TTN: variants seen among roughly 807,000 people sequenced by gnomAD.
TTN encodes the protein titin.
A neutral mutation model predicts 3,223.0 loss-of-function variants in TTN; 1,525 were observed. The ratio of observed to expected loss-of-function variants is 0.47; its 90% CI spans 0.45 to 0.49. The LOEUF (loss-of-function observed/expected upper bound fraction) is 0.49, where lower values mean the gene tolerates loss of function less well. TTN is among the 20% of genes least tolerant of loss of function. The pLI is 0.00. For missense variants in TTN, 40,786 were observed against 43,424.0 expected (o/e 0.94, Z 5.40); for synonymous variants, 14,094 against 15,161.0 (o/e 0.93, Z 5.17).
rs727503541 is a variant in TTN, at chr2:178,544,261, C to A, written c.95968G>T (p.Val31990Leu). Residue 31990 changes from valine (V) to leucine (L), a missense_variant, in exon 345 of 363, where the codon GTG (valine) becomes TTG (leucine). By Grantham distance (32) the Val-to-Leu change is conservative (BLOSUM62 1). Transcript: ENST00000589042. ...KYSFRVAAVN[V>L]KGMSEYSESI... ...TCGCTGTATTCGCTCATACCCTTCA[C>A]GTTCACGGCAGCAACTCTGAAGGAA... is the stretch of plus-strand genomic sequence containing the variant. The A allele has an allele frequency of 2.5e-6, 4 of 1,613,690 alleles. No individual in the cohort carries two copies.
rs201089861 is a variant in TTN at position 178,802,229 on chromosome 2, G to A, written c.204C>T (p.Pro68=). 4.7e-5 allele frequency: 76 copies of A among 1,614,134 alleles called. No individual in the cohort carries two copies. In the Middle Eastern group the frequency reaches 2.0e-3, roughly 42 times the overall value. Residue 68 remains proline (P), a synonymous_variant, in exon 3 of 363, where the codon CCC becomes CCT. Coordinates refer to ENST00000589042, the MANE Select transcript of TTN (RefSeq NM_001267550.2). ...FSDGRAKLTI[P]AVTKANSGRY... is the part of the protein sequence containing the mutation. ...GTCCACTGTTGGCTTTAGTCACGGC[G>A]GGGATCGTCAGTTTAGCGCGGCCAT...
chr2:178,667,878 C>G lies in TTN; in HGVS notation c.35546-157G>C, dbSNP rs148088430. On this transcript the variant is annotated intron_variant, in intron 159 of 362. Coordinates refer to ENST00000589042, the MANE Select transcript of TTN (RefSeq NM_001267550.2). ...CTAGAATGCATTGGCTGGGGATAGC[C>G]TCACTCCCAGTTTCATGATGTAAGA... Among the ~76,000 whole-genome samples the G allele has an allele frequency of 1.8e-3, 269 of 152,144 alleles. 5 individuals are homozygous for G. In the South Asian group the frequency reaches 0.024, roughly 14 times the overall value.
rs1478494265 is a variant in TTN at position 178,598,002 on chromosome 2, T to G, written c.57168A>C (p.Gly19056=). 1 of 1,613,346 alleles carries G rather than the reference T, an allele frequency of 6.2e-7. No individual in the cohort carries two copies. Among genetic ancestry groups the G allele is most frequent in the African/African-American group, 1.3e-5 (1 of 74,912 alleles). The change falls in exon 293 of 363, where the codon GGA becomes GGC. Residue 19056 remains glycine (G), a synonymous_variant. Coordinates refer to ENST00000589042, the MANE Select transcript of TTN (RefSeq NM_001267550.2). ...CTCTAACTCTAAATTTGTAGAATGCTCCTTCCTTTAATCCTGTCACAACAA... is the reference window on the plus strand; with the variant it reads ...CTCTAACTCTAAATTTGTAGAATGCGCCTTCCTTTAATCCTGTCACAACAA... ...TKLVVTGLKE[G]AFYKFRVRAV... is the part of the protein sequence containing the mutation.
rs777892636 is a variant in TTN, at chr2:178,599,195, G to T, written c.56598C>A (p.Gly18866=). 6 of 1,513,436 alleles carry T rather than the reference G, an allele frequency of 4.0e-6. No individual in the cohort carries two copies. In the East Asian group the frequency reaches 1.4e-4, roughly 35 times the overall value. The allele number at this position is 1,513,436 out of a possible 1,614,324, so 93.8% of individuals were successfully genotyped here. ...GTTCACTGTCAAGAGGTTCTCCAAT[G>T]CCATATTTATTCTGGGCCATGATTC... The part of the protein sequence containing the change: ...VFRIMAQNKY[G]IGEPLDSEPE... Residue 18866 remains glycine (G), a synonymous_variant, in exon 290 of 363, where the codon GGC becomes GGA. Transcript: ENST00000589042.
intron 10 of TTN, among the ~76,000 whole-genome samples, 190 bp from the exon 11 acceptor site, chr2:178,791,035 C>T (rs1014635159): frequency 6.6e-6 from 1 of 152,162 alleles, no homozygotes; most frequent in Non-Finnish European, 1.5e-5. Flanking sequence ...TTCTTTTCTG[C>T]CCACATGCGC....
At chr2:178,696,394 T>G in intron 113 of TTN, 125 bp from the exon 114 acceptor site, 3 of 898,732 alleles carry the variant, frequency 3.3e-6, no homozygotes, top group Middle Eastern at 7.1e-4. Context: ...TTTGTTTTTT[T>G]TTTTTGTATT....
In TTN at chr2:178,580,107, G is replaced by A. The variant is rs1388705607; in HGVS notation, c.67180C>T (p.Arg22394Cys). The change falls in exon 318 of 363, where the codon CGT becomes TGT. Residue 22394 changes from arginine (R) to cysteine (C), a missense_variant. Physicochemically the swap from Arg to Cys is radical, Grantham distance 180. Coordinates refer to ENST00000589042, the MANE Select transcript of TTN (RefSeq NM_001267550.2). The part of the protein sequence containing the change: ...SPIINYVVQK[R>C]DAERKSWSTV... ...GACCAGGATTTCCTCTCTGCATCACGTTTTTGTACCACATAGTTTATGATG... is the reference window on the plus strand; with the variant it reads ...GACCAGGATTTCCTCTCTGCATCACATTTTTGTACCACATAGTTTATGATG... 1.2e-6 allele frequency: 2 copies of A among 1,613,214 alleles called. No individual in the cohort carries two copies. Among genetic ancestry groups the A allele is most frequent in the South Asian group, 1.1e-5 (1 of 91,078 alleles).
rs1558953226 is a variant in TTN, at chr2:178,527,101, T to G, written c.107887A>C (p.Lys35963Gln). Residue 35963 changes from lysine to glutamine, a missense_variant, in exon 363 of 363, where the codon AAA (lysine) becomes CAA (glutamine). Physicochemically the swap from Lys to Gln is moderately conservative, Grantham distance 53 (BLOSUM62 1). Coordinates refer to ENST00000589042, the MANE Select transcript of TTN (RefSeq NM_001267550.2). ...AGGGTATAAAGTCCACCATCTTGTT[T>G]CTGTACGTCCATGATGATCAGGGTT... is the stretch of plus-strand genomic sequence containing the variant. The part of the protein sequence containing the change: ...LTTLIIMDVQ[K>Q]QDGGLYTLSL... 1 of 1,613,994 alleles carries G rather than the reference T, an allele frequency of 6.2e-7. No individual in the cohort carries two copies. Among genetic ancestry groups the G allele is most frequent in the East Asian group, 2.2e-5 (1 of 44,884 alleles).
At chr2:178,529,334 A>C in intron 359 of TTN, 115 bp from the exon 360 acceptor site, 2 of 735,912 alleles carry the variant, frequency 2.7e-6, no homozygotes, top group Non-Finnish European at 4.1e-6. Context: ...TTCTTCATGC[A>C]ATGTAGGTAA....
chr2:178,590,985 C>T lies in TTN; in HGVS notation c.60740G>A (p.Arg20247Lys). ...ACCAACACCTATCTTATTCTCTGCT[C>T]TAACTCGGAAAACATATTCACAGCC... ...QKGCEYVFRV[R>K]AENKIGVGPP... The change falls in exon 304 of 363, where the codon AGA becomes AAA. Residue 20247 changes from arginine to lysine, a missense_variant. Coordinates refer to ENST00000589042, the MANE Select transcript of TTN (RefSeq NM_001267550.2). The T allele has an allele frequency of 6.2e-7, 1 of 1,613,496 alleles. No homozygotes were observed.
In TTN at chr2:178,554,234, G is replaced by A. The variant is rs547463003; in HGVS notation, c.88895-18C>T. On this transcript the variant is annotated intron_variant, in intron 332 of 362. Coordinates refer to ENST00000589042, the MANE Select transcript of TTN (RefSeq NM_001267550.2). ...AGGTGTAACTATTTAGAAAGGAAGG[G>A]AAAACAAGGTACAAGAATCCACATT... 9.5e-4 allele frequency: 1,477 copies of A among 1,559,272 alleles called. 27 individuals carry two copies. In the South Asian group the frequency reaches 0.016, roughly 17 times the overall value.
intron 6 of TTN, among the ~76,000 whole-genome samples, chr2:178,797,612 C>T (rs920268027): frequency 1.3e-5 from 2 of 152,036 alleles, no homozygotes; most frequent in East Asian, 1.9e-4. Context: ...CATAAGCTTA[C>T]GTAATTTTGT....
chr2:178,796,684 T>C (rs2093787208), intron 6 of TTN, among the ~76,000 whole-genome samples: 1 of 152,204 alleles, frequency 6.6e-6, no homozygotes, highest in African/African-American at 2.4e-5. Context: ...AGTTTCACCC[T>C]GTGCCTTGTT....
Position 178,755,538 on chromosome 2 carries a change from C to T in TTN, c.11254+684G>A, listed in dbSNP as rs187463783. Among the ~76,000 whole-genome samples the T allele has an allele frequency of 3.7e-4, 56 of 152,234 alleles. No homozygotes were observed. In the East Asian group the frequency reaches 9.1e-3, roughly 25 times the overall value. On this transcript the variant is annotated intron_variant, in intron 46 of 362. Transcript: ENST00000589042. The stretch of plus-strand genomic sequence containing the variant: ...GCAACCTCTGCCTCCTGGGTTCAAG[C>T]GATTCTCCTGGCCTCAGCCTCCTGA...
At position 178,568,375 on chromosome 2, in the gene TTN, C is replaced by T; in HGVS notation, c.77757G>A (p.Gly25919=). 6.2e-7 allele frequency: 1 copy of T among 1,613,146 alleles called. No homozygotes were observed. Among genetic ancestry groups the T allele is most frequent in the Non-Finnish European group, 8.5e-7 (1 of 1,179,538 alleles). Residue 25919 remains glycine (G), a synonymous_variant, in exon 326 of 363, where the codon GGG becomes GGA. Transcript: ENST00000589042. Reference sequence around the variant, plus strand: ...CAATGTAGTTGGTGATTTGGCAGCCCCCTGTATATAATGGAGGGTTCCAAG... The same window carrying T: ...CAATGTAGTTGGTGATTTGGCAGCCTCCTGTATATAATGGAGGGTTCCAAG... The part of the protein sequence containing the change: ...TLSWNPPLYT[G]GCQITNYIVQ...
Position 178,728,662 on chromosome 2 carries a change from C to T in TTN, c.19264G>A (p.Gly6422Arg), listed in dbSNP as rs774524508. ...TATCTACTGGGAACTATTTGTTTCC[C>T]GTCTTTAAGCCATTTCACTTTGAGT... ...PELKVKWLKD[G>R]KQIVPSRYFS... Residue 6422 changes from glycine to arginine, a missense_variant, in exon 66 of 363, where the codon GGG becomes AGG. Coordinates refer to ENST00000589042, the MANE Select transcript of TTN (RefSeq NM_001267550.2). The T allele has an allele frequency of 2.4e-5, 38 of 1,613,162 alleles. No individual in the cohort carries two copies. The highest frequency in any genetic ancestry group is 2.7e-5 in the African/African-American group (2 of 74,874).
At chr2:178,783,356 T>C (rs1324770844) in intron 17 of TTN, among the ~76,000 whole-genome samples, 2 of 152,230 alleles carry the variant, frequency 1.3e-5, no homozygotes, top group Non-Finnish European at 2.9e-5. Flanking sequence ...TGTTGTGATG[T>C]TTATCACCTT....
At chr2:178,734,257 T>A (rs2081049022) in intron 52 of TTN, 71 bp downstream of exon 52, 1 of 1,471,578 alleles carries the variant, frequency 6.8e-7, no homozygotes, top group African/African-American at 1.4e-5. Context: ...AAAGTACCAG[T>A]TTTTCTTCCA....
chr2:178,568,671 T>G lies in TTN; in HGVS notation c.77461A>C (p.Ile25821Leu). 6.2e-7 allele frequency: 1 copy of G among 1,613,366 alleles called. No individual in the cohort carries two copies. The highest frequency in any genetic ancestry group is 1.3e-5 in the African/African-American group (1 of 74,992). Reference sequence around the variant, plus strand: ...ATGGTTGGCTTAGGACGTCCAGAAATTGGCACTTCTATTTTCAAATCTTGG... The same window carrying G: ...ATGGTTGGCTTAGGACGTCCAGAAAGTGGCACTTCTATTTTCAAATCTTGG... Reference protein sequence around the residue: ...VGQDLKIEVPISGRPKPTITW... With the variant: ...VGQDLKIEVPLSGRPKPTITW... Residue 25821 changes from isoleucine to leucine, a missense_variant, in exon 326 of 363, where the codon ATT (isoleucine) becomes CTT (leucine). Physicochemically the swap from Ile to Leu is conservative, Grantham distance 5 (BLOSUM62 2). Coordinates refer to ENST00000589042, the MANE Select transcript of TTN (RefSeq NM_001267550.2).
Sources: allele counts gnomAD v4.1 joint callset (sites outside exome capture counted in the v4.1 genomes callset), GRCh38; gene constraint gnomAD v4.1.1; transcripts MANE v1.5; gene names NCBI Gene and HGNC (gene_info 2026-07-23, HGNC 2026-07-21).